Variants in KSR2 observed in about 807,000 individuals in gnomAD.
The protein encoded by KSR2 is kinase suppressor of ras 2.
A neutral mutation model predicts 107.8 loss-of-function variants in KSR2; 25 were observed. The ratio of observed to expected loss-of-function variants is 0.23; its 90% CI spans 0.17 to 0.32. KSR2 has a LOEUF of 0.32. Among genes scored for constraint, KSR2 ranks in the 10% least tolerant of loss-of-function variants. KSR2 has a pLI of 1.00. For synonymous variants in KSR2, 480 were observed against 507.0 expected (o/e 0.95, Z 0.71); for missense variants, 887 against 1,268.9 (o/e 0.70, Z 4.57).
intron 3 of KSR2, among the ~76,000 whole-genome samples, chr12:117,786,454 G>C (rs1252581802): frequency 6.6e-6 from 1 of 152,004 alleles, no homozygotes; most frequent in Non-Finnish European, 1.5e-5. Flanking sequence ...GTACTCAATA[G>C]TTCTTTTTTC....
At chr12:117,550,692 A>G (rs1202601764) in intron 9 of KSR2, among the ~76,000 whole-genome samples, 1 of 152,232 alleles carries the variant, frequency 6.6e-6, no homozygotes, top group Non-Finnish European at 1.5e-5. Flanking sequence ...AGGAGTAGGA[A>G]CTATATGGAG....
intron 5 of KSR2, among the ~76,000 whole-genome samples, chr12:117,632,515 C>G (rs1410434577): frequency 6.6e-6 from 1 of 152,072 alleles, no homozygotes; most frequent in Non-Finnish European, 1.5e-5. Context: ...CATGAGCCAC[C>G]ATGCCCTGCC....
chr12:117,838,196 C>T (rs1483561643), intron 3 of KSR2, among the ~76,000 whole-genome samples: 1 of 152,230 alleles, frequency 6.6e-6, no homozygotes, highest in African/African-American at 2.4e-5. Context: ...GAGACGGAGT[C>T]TCGCACTGTC....
At chr12:117,669,916 T>C (rs1466537019) in intron 4 of KSR2, among the ~76,000 whole-genome samples, 1 of 151,508 alleles carries the variant, frequency 6.6e-6, no homozygotes, top group African/African-American at 2.4e-5. Context: ...ATAAAGAAAG[T>C]GAGGGGCTTA....
chr12:117,769,782 G>A (rs1272714752), intron 3 of KSR2, among the ~76,000 whole-genome samples: 5 of 151,992 alleles, frequency 3.3e-5, no homozygotes, highest in Admixed American at 6.6e-5. Context: ...TGCCAGGTGC[G>A]GTGGCTCACA....
At chr12:117,657,256 C>T (rs1884224272) in intron 5 of KSR2, among the ~76,000 whole-genome samples, 1 of 151,858 alleles carries the variant, frequency 6.6e-6, no homozygotes, top group African/African-American at 2.4e-5. Context: ...CTGGGGCCAT[C>T]TTGTCACCAA....
chr12:117,779,379 G>T (rs1395654533), intron 3 of KSR2, among the ~76,000 whole-genome samples: 3 of 152,194 alleles, frequency 2.0e-5, no homozygotes, highest in African/African-American at 7.2e-5. Flanking sequence ...CTTACTAGCT[G>T]TGTGACTTGG....
Position 117,667,488 on chromosome 12 carries a change from G to T in KSR2, c.1157C>A (p.Ala386Asp), listed in dbSNP as rs1472241659. The change falls in exon 5 of 20, where the codon GCC becomes GAC. Residue 386 changes from alanine to aspartate, a missense_variant. Physicochemically the swap from Ala to Asp is moderately radical, Grantham distance 126. Around this residue, in one of 8 missense-constraint regions of KSR2, gnomAD observed 399 missense variants for 479.5 expected, o/e 0.83. Coordinates refer to ENST00000339824, the MANE Select transcript of KSR2 (RefSeq NM_173598.6). ...GGGTGACTTACTTGCAGAGAAGTTG[G>T]CCTCAGTGTGAACAGGAGGGGTGGA... ...LPSTPPVHTE[A>D]NFSANTLSVP... 1 of 1,611,100 alleles carries T rather than the reference G, an allele frequency of 6.2e-7. No individual in the cohort carries two copies. The highest frequency in any genetic ancestry group is 8.5e-7 in the Non-Finnish European group (1 of 1,179,074).
rs139173850 is a variant in KSR2, at chr12:117,462,992, A to G, written c.*4207T>C. ...GCAAGCCAAAGAAAGAGGCCTCACC[A>G]GAAACCAACCCTGCTGACACCTTGA... On this transcript the variant is annotated 3_prime_UTR_variant, in exon 20 of 20. Transcript: ENST00000339824. 2.0e-5 allele frequency: 3 copies of G among 152,420 alleles called. No homozygotes were observed. Among genetic ancestry groups the G allele is most frequent in the Non-Finnish European group, 2.9e-5 (2 of 68,070 alleles). The allele number at this position is 152,420 out of a possible 1,614,324, so 9.4% of individuals were successfully genotyped here.
rs1316953995 is a variant in KSR2, at chr12:117,760,897, C to G, written c.986+114G>C. The G allele has an allele frequency of 4.5e-6, 6 of 1,336,120 alleles. No individual in the cohort carries two copies. The Admixed American group carries it at 1.1e-4, about 25-fold the overall frequency. 82.8% of individuals were successfully genotyped at this position (1,336,120 alleles called of 1,614,324 possible). On this transcript the variant is annotated intron_variant, in intron 4 of 19. Transcript: ENST00000339824. ...AAGCCATTTTTCATTCAACCAGAGT[C>G]TGGAACGCAAGTCTGTTCCCGGTTT...
chr12:117,848,863 T>TGGTGATGAC (rs1279456761), intron 3 of KSR2, among the ~76,000 whole-genome samples: 6 of 104,594 alleles, frequency 5.7e-5, no homozygotes, highest in African/African-American at 5.5e-5. Context: ...ATGGTGATGA[T>TGGTGATGAC]GGTGATGACG....
intron 3 of KSR2, among the ~76,000 whole-genome samples, chr12:117,800,101 C>G (rs1388535567): frequency 6.6e-6 from 1 of 152,188 alleles, no homozygotes; most frequent in Non-Finnish European, 1.5e-5. Context: ...TCTGAAGGCC[C>G]TTTGTATGTA....
chr12:117,550,317 C>T (rs1472548002), intron 9 of KSR2, among the ~76,000 whole-genome samples: 1 of 152,206 alleles, frequency 6.6e-6, no homozygotes, highest in African/African-American at 2.4e-5. Flanking sequence ...GAAGCACGTT[C>T]ATCACCCAGG....
chr12:117,551,510 C>A (rs35549026), intron 9 of KSR2, among the ~76,000 whole-genome samples: 38,839 of 152,150 alleles, frequency 0.26, 5,086 homozygotes, highest in South Asian at 0.33. Context: ...GGCCCACAGT[C>A]GTACAGCAAG....
chr12:117,740,154 C>T (rs961531119), intron 4 of KSR2, among the ~76,000 whole-genome samples: 2 of 150,708 alleles, frequency 1.3e-5, no homozygotes, highest in African/African-American at 4.9e-5. Flanking sequence ...ACCTTAGTTC[C>T]CACTTATGAG....
Position 117,525,146 on chromosome 12 carries a change from G to A in KSR2, c.1925C>T (p.Ala642Val), listed in dbSNP as rs778825252. The part of the protein sequence containing the change: ...FEEMNLSLLS[A>V]RSFPRKASQT... ...GCTGGCCTTGCGTGGGAAGCTCCGGGCCGAGAGGAGGGACAGGTTCATCTC... is the reference window on the plus strand; with the variant it reads ...GCTGGCCTTGCGTGGGAAGCTCCGGACCGAGAGGAGGGACAGGTTCATCTC... Residue 642 changes from alanine (A) to valine (V), a missense_variant, in exon 14 of 20, where the codon GCC becomes GTC. Ala to Val is a moderately conservative substitution (Grantham distance 64, BLOSUM62 0). Coordinates refer to ENST00000339824, the MANE Select transcript of KSR2 (RefSeq NM_173598.6). The A allele has an allele frequency of 5.6e-6, 9 of 1,613,984 alleles. No individual in the cohort carries two copies. Among genetic ancestry groups the A allele is most frequent in the African/African-American group, 1.3e-5 (1 of 75,048 alleles).
chr12:117,851,059 G>A (rs1390823244), intron 3 of KSR2, among the ~76,000 whole-genome samples: 1 of 152,174 alleles, frequency 6.6e-6, no homozygotes, highest in Non-Finnish European at 1.5e-5. Flanking sequence ...TCAGAACTGG[G>A]TACACAATTC....
intron 1 of KSR2, among the ~76,000 whole-genome samples, chr12:117,910,505 A>G (rs751017818): frequency 1.1e-4 from 16 of 152,178 alleles, no homozygotes. Context: ...GGATCAGGAA[A>G]TCAGAGTTGA....
At chr12:117,852,372 G>A (rs566217568) in intron 3 of KSR2, among the ~76,000 whole-genome samples, 3 of 152,156 alleles carry the variant, frequency 2.0e-5, no homozygotes, top group East Asian at 3.9e-4. Context: ...AGGTTACAAT[G>A]AGCCGAGGTC....
Sources: allele counts gnomAD v4.1 joint callset (sites outside exome capture counted in the v4.1 genomes callset), GRCh38; gene constraint gnomAD v4.1.1; regional missense constraint gnomAD v4.1.1; transcripts MANE v1.5; gene names NCBI Gene and HGNC (gene_info 2026-07-23, HGNC 2026-07-21).